Variants in SNX7 observed in about 807,000 individuals in gnomAD.
SNX7 encodes sorting nexin-7.
SNX7 carries 35 observed loss-of-function variants against 48.4 expected under a neutral mutation model. The observed-to-expected ratio is 0.72, with a 90% confidence interval of 0.55 to 0.96. The LOEUF (loss-of-function observed/expected upper bound fraction) is 0.96. SNX7 is among the 40% of genes least tolerant of loss of function. The pLI, the probability that SNX7 is intolerant of heterozygous loss-of-function variation, is 0.00. For synonymous variants in SNX7, 190 were observed against 190.2 expected (o/e 1.00, Z 0.01); for missense variants, 553 against 548.9 (o/e 1.01, Z -0.07).
At chr1:98,719,059 T>C (rs1159833767) in intron 7 of SNX7, among the ~76,000 whole-genome samples, 2 of 152,174 alleles carry the variant, frequency 1.3e-5, no homozygotes, top group East Asian at 3.8e-4. Flanking sequence ...GTGAAATTGC[T>C]AAATCGGAGG....
At chr1:98,683,485 C>A (rs1221182569) in intron 1 of SNX7, among the ~76,000 whole-genome samples, 3 of 151,846 alleles carry the variant, frequency 2.0e-5, no homozygotes, top group African/African-American at 7.3e-5. Context: ...GGAGGTGGAG[C>A]CTTTGGGTGG....
At chr1:98,738,415 T>G in intron 8 of SNX7, 26 bp downstream of exon 8, 1 of 1,605,832 alleles carries the variant, frequency 6.2e-7, no homozygotes, top group Non-Finnish European at 8.5e-7. Context: ...TGATATTGCT[T>G]CATTTTAAAG....
At chr1:98,720,508 G>A (rs1361252177) in intron 7 of SNX7, among the ~76,000 whole-genome samples, 1 of 151,956 alleles carries the variant, frequency 6.6e-6, no homozygotes, top group South Asian at 2.1e-4. Context: ...TTTTTTGAGT[G>A]AACCCCTAAT....
In SNX7 at chr1:98,676,918, A is replaced by AT. The variant is rs1021940907; in HGVS notation, c.181-7957dup. Among the ~76,000 whole-genome samples, 90 of 150,118 alleles carry AT rather than the reference A, an allele frequency of 6.0e-4. 1 individual carries two copies. Among genetic ancestry groups the AT allele is most frequent in the Middle Eastern group, 3.4e-3 (1 of 292 alleles). ...GAAGCCATTTTTGGCCTCCTTTATG[A>AT]TTTTTTTTTTACTCAGTACTGGCCA... On this transcript the variant is annotated intron_variant, in intron 1 of 8. Coordinates refer to ENST00000306121, the MANE Select transcript of SNX7 (RefSeq NM_015976.5).
chr1:98,662,913 T>G, intron 1 of SNX7: 172 of 1,103,884 alleles, frequency 1.6e-4, no homozygotes, highest in Non-Finnish European at 1.8e-4. Context: ...AAGAGGAGTA[T>G]ATAAAACTTA....
chr1:98,701,825 G>GA lies in SNX7; in HGVS notation c.1051dup (p.Arg351LysfsTer14), dbSNP rs770251307. The GA allele has an allele frequency of 6.2e-7, 1 of 1,608,706 alleles. No individual in the cohort carries two copies. Among genetic ancestry groups the GA allele is most frequent in the Admixed American group, 1.7e-5 (1 of 59,442 alleles). ...TGTGTTTTAATGTAAAGGGTGTTATGAAAAGAAGAGACCAAATACAAGCAG... is the reference window on the plus strand; with the variant it reads ...TGTGTTTTAATGTAAAGGGTGTTATGAAAAAGAAGAGACCAAATACAAGCAG... On this transcript the variant is annotated frameshift_variant, in exon 7 of 9. Transcript: ENST00000306121. LOFTEE classifies it high-confidence loss of function.
At chr1:98,757,483 A>G (rs1027155475) in intron 8 of SNX7, among the ~76,000 whole-genome samples, 6 of 151,856 alleles carry the variant, frequency 4.0e-5, no homozygotes, top group African/African-American at 1.2e-4. Flanking sequence ...TCCTCTTCTT[A>G]TAAGGACACC....
chr1:98,669,367 T>C (rs963696759), intron 1 of SNX7, among the ~76,000 whole-genome samples: 1 of 152,348 alleles, frequency 6.6e-6, no homozygotes, highest in Admixed American at 6.5e-5. Flanking sequence ...CATAAGGTCT[T>C]CATTCTCCTA....
At chr1:98,673,610 G>A (rs1362791458) in intron 1 of SNX7, among the ~76,000 whole-genome samples, 1 of 152,172 alleles carries the variant, frequency 6.6e-6, no homozygotes, top group Non-Finnish European at 1.5e-5. Flanking sequence ...CCCAGTGCCT[G>A]ACACCTGGGT....
At chr1:98,706,957 C>G (rs138767553) in intron 7 of SNX7, among the ~76,000 whole-genome samples, 1 of 152,050 alleles carries the variant, frequency 6.6e-6, no homozygotes, top group East Asian at 1.9e-4. Context: ...CCCAATGGAG[C>G]TATTGAGTAG....
Position 98,710,707 on chromosome 1 carries a change from G to A in SNX7, c.1125+8804G>A, listed in dbSNP as rs375081011. Among the ~76,000 whole-genome samples the A allele has an allele frequency of 7.6e-4, 115 of 152,198 alleles. 1 individual carries two copies. The South Asian group carries it at 0.019, about 25-fold the overall frequency. ...AATATGTCCTAAGGTTCTGTCTTAC[G>A]TATCTCTTTCACTCCTGGCCCTGCC... On this transcript the variant is annotated intron_variant, in intron 7 of 8. Transcript: ENST00000306121.
intron 8 of SNX7, among the ~76,000 whole-genome samples, chr1:98,758,946 C>G (rs893252057): frequency 1.3e-5 from 2 of 151,974 alleles, no homozygotes; most frequent in Non-Finnish European, 2.9e-5. Flanking sequence ...CACACACACA[C>G]ACACATAAGT....
At chr1:98,749,727 T>TA (rs1654489966) in intron 8 of SNX7, among the ~76,000 whole-genome samples, 3 of 152,112 alleles carry the variant, frequency 2.0e-5, no homozygotes. Flanking sequence ...TTAGGAGATT[T>TA]AAAAAGTTAC....
intron 7 of SNX7, among the ~76,000 whole-genome samples, chr1:98,704,709 A>G (rs1427646604): frequency 6.6e-6 from 1 of 152,124 alleles, no homozygotes; most frequent in African/African-American, 2.4e-5. Flanking sequence ...GTTGTTTACC[A>G]TGGCAACTCA....
intron 7 of SNX7, among the ~76,000 whole-genome samples, chr1:98,720,991 A>C (rs952708429): frequency 6.6e-6 from 1 of 152,120 alleles, no homozygotes; most frequent in Non-Finnish European, 1.5e-5. Context: ...ATACTATGGT[A>C]GTCATCAGAC....
At chr1:98,752,738 A>C (rs534927864) in intron 8 of SNX7, among the ~76,000 whole-genome samples, 1 of 152,190 alleles carries the variant, frequency 6.6e-6, no homozygotes, top group South Asian at 2.1e-4. Flanking sequence ...GTATTAATTC[A>C]GTCTTCTTCA....
chr1:98,691,674 A>G lies in SNX7; in HGVS notation c.614A>G (p.Lys205Arg). The change falls in exon 4 of 9, where the codon AAA becomes AGA. Residue 205 changes from lysine (K) to arginine (R), a missense_variant. Coordinates refer to ENST00000306121, the MANE Select transcript of SNX7 (RefSeq NM_015976.5). ...HPTLTFNEDF[K>R]IFLTAQAWEL... Reference sequence around the variant, plus strand: ...ACTTTAACATTTAATGAAGACTTCAAAATTTTTCTCACTGCACAAGCTTGG... The same window carrying G: ...ACTTTAACATTTAATGAAGACTTCAGAATTTTTCTCACTGCACAAGCTTGG... 6.2e-7 allele frequency: 1 copy of G among 1,607,098 alleles called. No homozygotes were observed. The highest frequency in any genetic ancestry group is 8.5e-7 in the Non-Finnish European group (1 of 1,176,848).
intron 8 of SNX7, among the ~76,000 whole-genome samples, chr1:98,749,376 A>C (rs1654469828): frequency 6.6e-6 from 1 of 152,146 alleles, no homozygotes; most frequent in African/African-American, 2.4e-5. Context: ...TGCATTAACT[A>C]TCTGTGTTGC....
At chr1:98,711,079 C>T (rs945997129) in intron 7 of SNX7, among the ~76,000 whole-genome samples, 2 of 152,126 alleles carry the variant, frequency 1.3e-5, no homozygotes, top group African/African-American at 2.4e-5. Context: ...GGCAATGGCA[C>T]GATCTTGGCT....
Sources: allele counts gnomAD v4.1 joint callset (sites outside exome capture counted in the v4.1 genomes callset), GRCh38; gene constraint gnomAD v4.1.1; transcripts MANE v1.5; gene names NCBI Gene and HGNC (gene_info 2026-07-23, HGNC 2026-07-21).